Variants in KLHL32 observed in about 807,000 individuals in gnomAD.
KLHL32 encodes kelch-like protein 32.
Under a neutral mutation model 64.8 loss-of-function variants are expected in KLHL32, and 35 were observed. The ratio of observed to expected loss-of-function variants is 0.54; its 90% CI spans 0.41 to 0.72. The LOEUF (loss-of-function observed/expected upper bound fraction) is 0.72, where lower values mean the gene tolerates loss of function less well. KLHL32 is among the 30% of genes least tolerant of loss of function. The probability of loss-of-function intolerance (pLI) is 0.00; values close to 1 mark genes in which losing one functional copy is unlikely to be tolerated. For missense variants in KLHL32, 589 were observed against 768.5 expected (o/e 0.77, Z 2.76); for synonymous variants, 259 against 281.0 (o/e 0.92, Z 0.78).
chr6:97,092,913 C>T (rs1794469951), intron 6 of KLHL32, among the ~76,000 whole-genome samples: 1 of 152,182 alleles, frequency 6.6e-6, no homozygotes, highest in Admixed American at 6.5e-5. Context: ...ACAGGAGACC[C>T]AACTTGTATT....
chr6:96,941,026 A>C (rs1771216444), intron 1 of KLHL32, among the ~76,000 whole-genome samples: 1 of 152,246 alleles, frequency 6.6e-6, no homozygotes, highest in Admixed American at 6.5e-5. Context: ...AAATCAGATA[A>C]TTAACACCTT....
chr6:97,054,980 G>A (rs539731740), intron 4 of KLHL32, among the ~76,000 whole-genome samples: 25 of 152,256 alleles, frequency 1.6e-4, no homozygotes, highest in African/African-American at 5.3e-4. Flanking sequence ...CCAGCTTGTG[G>A]CATCTTTGGA....
chr6:97,072,282 C>G (rs1384944636), intron 5 of KLHL32, among the ~76,000 whole-genome samples: 1 of 152,198 alleles, frequency 6.6e-6, no homozygotes, highest in Non-Finnish European at 1.5e-5. Flanking sequence ...ATTTTATGGA[C>G]TAAAGCAACT....
chr6:97,109,014 T>C (rs2128205895), intron 6 of KLHL32, among the ~76,000 whole-genome samples: 1 of 152,330 alleles, frequency 6.6e-6, no homozygotes, highest in South Asian at 2.1e-4. Context: ...GAGAATACTG[T>C]TATGAATGGA....
rs62413897 is a variant in KLHL32 at position 97,062,728 on chromosome 6, T to C, written c.313-1900T>C. On this transcript the variant is annotated intron_variant, in intron 4 of 10. Transcript: ENST00000369261. Reference sequence around the variant, plus strand: ...TGTTCTAAGTGCTGGGGATACAAAATAGACTAAGTCCCTGCTCTCCTGAAA... The same window carrying C: ...TGTTCTAAGTGCTGGGGATACAAAACAGACTAAGTCCCTGCTCTCCTGAAA... 5.2e-3 allele frequency among the ~76,000 whole-genome samples: 786 copies of C among 152,318 alleles called. 1 individual carries two copies. Among genetic ancestry groups the C allele is most frequent in the Non-Finnish European group, 8.2e-3 (559 of 68,028 alleles).
chr6:97,094,551 T>C (rs993814940), intron 6 of KLHL32, among the ~76,000 whole-genome samples: 8 of 152,226 alleles, frequency 5.3e-5, no homozygotes, highest in Admixed American at 4.6e-4. Context: ...GCATTCTCCA[T>C]GGTGAGGATC....
intron 4 of KLHL32, among the ~76,000 whole-genome samples, chr6:97,044,249 C>A (rs928171365): frequency 6.6e-6 from 1 of 151,940 alleles, no homozygotes; most frequent in Non-Finnish European, 1.5e-5. Flanking sequence ...TTCAGATGAT[C>A]GTATGGTTGT....
At chr6:96,968,738 G>A (rs972904539) in intron 2 of KLHL32, among the ~76,000 whole-genome samples, 3 of 152,072 alleles carry the variant, frequency 2.0e-5, no homozygotes, top group Non-Finnish European at 4.4e-5. Context: ...ATGCTCTGCT[G>A]TATCATCTCC....
At chr6:97,064,935 C>A (rs1200672491) in intron 5 of KLHL32, among the ~76,000 whole-genome samples, 1 of 152,162 alleles carries the variant, frequency 6.6e-6, no homozygotes, top group East Asian at 1.9e-4. Context: ...GAGTCTTCCT[C>A]CACTGTCCTG....
At position 96,967,042 on chromosome 6, in the gene KLHL32, T is replaced by C; in HGVS notation, c.-19T>C. 1.9e-6 allele frequency: 3 copies of C among 1,613,018 alleles called. No individual in the cohort carries two copies. Among genetic ancestry groups the C allele is most frequent in the Non-Finnish European group, 2.5e-6 (3 of 1,179,200 alleles). ...CTGCACACTTCTAAGGCTGAGAACC[T>C]GAGGAACCCAGCTGGAAAATGCCGT... On this transcript the variant is annotated 5_prime_UTR_variant, in exon 2 of 11. Transcript: ENST00000369261.
At chr6:97,025,421 A>G (rs1391788695) in intron 3 of KLHL32, among the ~76,000 whole-genome samples, 1 of 152,200 alleles carries the variant, frequency 6.6e-6, no homozygotes, top group South Asian at 2.1e-4. Flanking sequence ...CTTTATAATC[A>G]CAATACAAGT....
In KLHL32 at chr6:97,139,404, T is replaced by A; in HGVS notation, c.*122T>A. ...TATAGGTCTTATATTCGGATAAATT[T>A]AAGCAAAAAATGAACAATTTTCTAA... is the stretch of plus-strand genomic sequence containing the variant. On this transcript the variant is annotated 3_prime_UTR_variant, in exon 11 of 11. Transcript: ENST00000369261. The A allele has an allele frequency of 4.5e-6, 4 of 884,412 alleles. No individual in the cohort carries two copies. The highest frequency in any genetic ancestry group is 6.8e-6 in the Non-Finnish European group (4 of 587,680). The allele number at this position is 884,412 out of a possible 1,614,324, so 54.8% of individuals were successfully genotyped here. A position where few individuals can be genotyped will look rare whatever the true frequency, so the allele number is the denominator to read the frequency against.
intron 4 of KLHL32, among the ~76,000 whole-genome samples, chr6:97,050,331 A>T (rs1428423729): frequency 2.6e-5 from 4 of 152,200 alleles, no homozygotes; most frequent in Non-Finnish European, 5.9e-5. Flanking sequence ...ACACCCCAAC[A>T]GGATGTGAAA....
chr6:96,942,654 GGTGTGTGTGTGTGTGTGTGT>G (rs373680196), intron 1 of KLHL32, among the ~76,000 whole-genome samples: 1 of 144,230 alleles, frequency 6.9e-6, no homozygotes, highest in Non-Finnish European at 1.5e-5. Context: ...ACAGCTGTGG[GGTGTGTGTGTGTGTGTGTGT>G]GTGTGTGTGT....
chr6:97,108,386 A>AC (rs1796689488), intron 6 of KLHL32, among the ~76,000 whole-genome samples: 1 of 152,114 alleles, frequency 6.6e-6, no homozygotes, highest in Non-Finnish European at 1.5e-5. Context: ...ACCGAAATAT[A>AC]CCACAAAGCT....
intron 5 of KLHL32, among the ~76,000 whole-genome samples, chr6:97,081,417 T>G (rs555142357): frequency 2.8e-4 from 43 of 152,252 alleles, no homozygotes; most frequent in East Asian, 1.2e-3. Flanking sequence ...AGTTTGCATA[T>G]GAAAGCCGTT....
intron 7 of KLHL32, among the ~76,000 whole-genome samples, chr6:97,124,285 CAAAT>C (rs1798665408): frequency 6.6e-6 from 1 of 152,164 alleles, no homozygotes; most frequent in African/African-American, 2.4e-5. Context: ...CTATTAATAT[CAAAT>C]AACTGGGACT....
chr6:97,138,987 CA>C, intron 10 of KLHL32, 133 bp from the exon 11 acceptor site: 1 of 780,570 alleles, frequency 1.3e-6, no homozygotes, highest in Non-Finnish European at 2.0e-6. Context: ...ACCATCCAAG[CA>C]AGAAAAAGAA....
rs1385862242 is a variant in KLHL32 at position 97,067,885 on chromosome 6, G to A, written c.411+3159G>A. ...GCTTTGTTCTGGGCCCTAAGGCAGA[G>A]TTTTCATATTGGGACTTGCCATTAG... is the stretch of plus-strand genomic sequence containing the variant. On this transcript the variant is annotated intron_variant, in intron 5 of 10. Transcript: ENST00000369261. Among the ~76,000 whole-genome samples the A allele has an allele frequency of 2.0e-5, 3 of 152,154 alleles. No individual in the cohort carries two copies. The South Asian group carries it at 6.2e-4, about 32-fold the overall frequency.
Sources: gnomAD v4.1 joint callset for allele counts (sites outside exome capture counted in the v4.1 genomes callset) on GRCh38, gnomAD v4.1.1 for gene constraint, MANE v1.5 for transcripts, NCBI Gene and HGNC (gene_info 2026-07-23, HGNC 2026-07-21) for gene names.